Variants in DMTN observed in about 807,000 individuals in gnomAD.
DMTN encodes dematin actin binding protein, also known as dematin.
DMTN carries 27 observed loss-of-function variants against 59.4 expected under a neutral mutation model. That is an observed-to-expected ratio of 0.45 (90% confidence interval 0.33 to 0.63). DMTN has a LOEUF of 0.63. DMTN is among the 20% of genes least tolerant of loss of function. DMTN has a pLI of 0.02. For synonymous variants in DMTN, 221 were observed against 203.7 expected (o/e 1.08, Z -0.72); for missense variants, 451 against 528.9 (o/e 0.85, Z 1.45).
At chr8:22,062,835 T>C (rs920216038) in intron 1 of DMTN, among the ~76,000 whole-genome samples, 1 of 142,842 alleles carries the variant, frequency 7.0e-6, no homozygotes, top group African/African-American at 2.5e-5. Flanking sequence ...TCTCTCAATA[T>C]GTTTTGCACA....
upstream of DMTN, chr8:22,053,776 A>C (rs1801621165): frequency 1.3e-5 from 2 of 152,366 alleles, no homozygotes; most frequent in Admixed American, 6.5e-5. Context: ...AGAACTCCTG[A>C]ACTTCCAAAG....
chr8:22,063,665 C>CT (rs1045124249), intron 1 of DMTN, among the ~76,000 whole-genome samples: 1 of 152,148 alleles, frequency 6.6e-6, no homozygotes, highest in African/African-American at 2.4e-5. Context: ...GCTGCTTTCT[C>CT]TATCAGGAGC....
intron 10 of DMTN, among the ~76,000 whole-genome samples, chr8:22,078,416 T>C (rs147770984): frequency 4.7e-5 from 7 of 149,074 alleles, no homozygotes; most frequent in Non-Finnish European, 8.9e-5. Flanking sequence ...TATATATGTA[T>C]ATATGTGAAT....
chr8:22,077,514 T>C lies in DMTN; in HGVS notation c.836-2666T>C, dbSNP rs150786501. Among the ~76,000 whole-genome samples, 676 of 152,184 alleles carry C rather than the reference T, an allele frequency of 4.4e-3. 5 individuals carry two copies. The highest frequency in any genetic ancestry group is 0.016 in the African/African-American group (652 of 41,530). On this transcript the variant is annotated intron_variant, in intron 10 of 15. Transcript: ENST00000358242. ...GGTGGGAAGAGCTACAGAGGTTTAT[T>C]AGAGAATGTGGAATAAAGAGTTAAG...
intron 4 of DMTN, 75 bp downstream of exon 4, chr8:22,067,757 C>T: frequency 1.3e-6 from 2 of 1,540,510 alleles, no homozygotes; most frequent in East Asian, 2.3e-5. Flanking sequence ...CGATCCCTCC[C>T]GTGCTTCCTT....
intron 14 of DMTN, 32 bp downstream of exon 14, chr8:22,080,902 G>T (rs754472169): frequency 6.5e-7 from 1 of 1,538,260 alleles, no homozygotes; most frequent in Admixed American, 2.0e-5. Flanking sequence ...CGCCTGTAGC[G>T]GGGCGGGAGG....
At chr8:22,061,511 A>G (rs1806443813) in intron 1 of DMTN, among the ~76,000 whole-genome samples, 1 of 151,820 alleles carries the variant, frequency 6.6e-6, no homozygotes, top group African/African-American at 2.4e-5. Flanking sequence ...ACCCTGGGCC[A>G]CTCACCTTTC....
upstream of DMTN, among the ~76,000 whole-genome samples, chr8:22,054,569 G>A (rs535804162): frequency 3.7e-4 from 56 of 152,262 alleles, no homozygotes; most frequent in Non-Finnish European, 6.6e-4. Flanking sequence ...TCATTGTCCC[G>A]AGCTCCACAC....
intron 14 of DMTN, 69 bp from the exon 15 acceptor site, chr8:22,081,044 T>C: frequency 6.5e-7 from 1 of 1,535,864 alleles, no homozygotes; most frequent in Non-Finnish European, 9.0e-7. Context: ...CAGGTTGATG[T>C]GGGAGGCCTA....
chr8:22,065,305 A>G (rs1212696632), intron 1 of DMTN, among the ~76,000 whole-genome samples: 1 of 152,120 alleles, frequency 6.6e-6, no homozygotes, highest in Non-Finnish European at 1.5e-5. Context: ...CATAGCTCTT[A>G]TTGTTGTTTT....
chr8:22,058,193 A>C lies in DMTN; in HGVS notation c.-172+1057A>C, dbSNP rs1259185506. ...AGCGCGGGCGCTTCTGCCTGTGCCC[A>C]CCTGTCCATCTTGTGTCCGTGCTGC... On this transcript the variant is annotated intron_variant, in intron 1 of 15. Coordinates refer to ENST00000358242, the MANE Select transcript of DMTN (RefSeq NM_001387751.1). This position sits in a 1 kb window ranked among gnomAD's most constrained non-coding sequence, Gnocchi z 4.3. Among the ~76,000 whole-genome samples, 2 of 151,086 alleles carry C rather than the reference A, an allele frequency of 1.3e-5. No homozygotes were observed. Among genetic ancestry groups the C allele is most frequent in the African/African-American group, 4.9e-5 (2 of 41,002 alleles).
At chr8:22,070,511 T>C in intron 8 of DMTN, 177 bp downstream of exon 8, 1 of 675,790 alleles carries the variant, frequency 1.5e-6, no homozygotes, top group Non-Finnish European at 2.3e-6. Flanking sequence ...TGTGTTCCCA[T>C]AGCGCTTGGT....
upstream of DMTN, chr8:22,049,087 G>A (rs1380265698): frequency 6.9e-6 from 1 of 144,794 alleles, no homozygotes; most frequent in Non-Finnish European, 1.5e-5. Flanking sequence ...GGCCGGGGCC[G>A]GGACGTGCAT....
chr8:22,082,362 C>G lies in DMTN; in HGVS notation c.*899C>G, dbSNP rs1824724185. 1 of 391,938 alleles carries G rather than the reference C, an allele frequency of 2.6e-6. No individual in the cohort carries two copies. The highest frequency in any genetic ancestry group is 5.2e-6 in the Non-Finnish European group (1 of 194,144). 24.3% of individuals were successfully genotyped at this position (391,938 alleles called of 1,614,324 possible). ...CCCCTGCCCTACCTTACACCCCCAGCTTGACTTCTTTCCAGTCCACGTGTG... is the reference window on the plus strand; with the variant it reads ...CCCCTGCCCTACCTTACACCCCCAGGTTGACTTCTTTCCAGTCCACGTGTG... On this transcript the variant is annotated 3_prime_UTR_variant, in exon 16 of 16. Transcript: ENST00000358242.
chr8:22,067,100 C>A lies in DMTN; in HGVS notation c.34C>A (p.Pro12Thr). 1 of 1,606,918 alleles carries A rather than the reference C, an allele frequency of 6.2e-7. No homozygotes were observed. Among genetic ancestry groups the A allele is most frequent in the Non-Finnish European group, 8.5e-7 (1 of 1,177,156 alleles). ...CTCTCCCCAGCAACCACTTACCTCCCCCGGGAGCGTGAGCCCCTCCCGAGA... is the reference window on the plus strand; with the variant it reads ...CTCTCCCCAGCAACCACTTACCTCCACCGGGAGCGTGAGCCCCTCCCGAGA... Reference protein sequence around the residue: ...ERLQKQPLTSPGSVSPSRDSS... With the variant: ...ERLQKQPLTSTGSVSPSRDSS... The change falls in exon 3 of 16, where the codon CCC (proline) becomes ACC (threonine). Residue 12 changes from proline (P) to threonine (T), a missense_variant. Pro to Thr is a conservative substitution (Grantham distance 38, BLOSUM62 -1). Coordinates refer to ENST00000358242, the MANE Select transcript of DMTN (RefSeq NM_001387751.1).
upstream of DMTN, chr8:22,049,267 G>C (rs1365958418): frequency 8.6e-5 from 13 of 151,090 alleles, no homozygotes; most frequent in African/African-American, 2.7e-4. Context: ...GCGGCCGGAA[G>C]GGGGGAGGGG....
chr8:22,080,705 G>T, intron 13 of DMTN, 80 bp downstream of exon 13: 3 of 1,582,110 alleles, frequency 1.9e-6, no homozygotes, highest in Non-Finnish European at 1.7e-6. Context: ...GAAGGGGGGT[G>T]TGGGGCCACA....
Position 22,067,590 on chromosome 8 carries a change from A to G in DMTN, c.157A>G (p.Ile53Val). 1 of 1,614,198 alleles carries G rather than the reference A, an allele frequency of 6.2e-7. No homozygotes were observed. The highest frequency in any genetic ancestry group is 8.5e-7 in the Non-Finnish European group (1 of 1,180,036). The change falls in exon 4 of 16, where the codon ATC (isoleucine) becomes GTC (valine). Residue 53 changes from isoleucine (I) to valine (V), a missense_variant. Physicochemically the swap from Ile to Val is conservative, Grantham distance 29. Coordinates refer to ENST00000358242, the MANE Select transcript of DMTN (RefSeq NM_001387751.1). ...GGCTGCCATCCCCAAGGACAAGGCC[A>G]TCCTGGACATCGAGCGGCCCGACCT... ...DLAAIPKDKA[I>V]LDIERPDLMI... is the part of the protein sequence containing the mutation.
chr8:22,065,574 G>A (rs1809879011), intron 1 of DMTN, among the ~76,000 whole-genome samples: 1 of 152,076 alleles, frequency 6.6e-6, no homozygotes, highest in Non-Finnish European at 1.5e-5. Context: ...TGGGCGCGGT[G>A]GCTCACGTCT....
Sources: gnomAD v4.1 joint callset for allele counts (sites outside exome capture counted in the v4.1 genomes callset) on GRCh38, gnomAD v4.1.1 for gene constraint, Gnocchi (gnomAD v3.1) non-coding constraint, MANE v1.5 for transcripts, NCBI Gene and HGNC (gene_info 2026-07-23, HGNC 2026-07-21) for gene names.